The following VKORC1L1 variants were observed in gnomAD, a reference collection of about 807,000 sequenced individuals.
The protein encoded by VKORC1L1 is vitamin K epoxide reductase complex subunit 1L1.
A neutral mutation model predicts 18.9 loss-of-function variants in VKORC1L1; 2 were observed. That is an observed-to-expected ratio of 0.11 (90% CI 0.04 to 0.33). The LOEUF (loss-of-function observed/expected upper bound fraction) is 0.33. Among genes scored for constraint, VKORC1L1 ranks in the 10% least tolerant of loss-of-function variants. The probability of loss-of-function intolerance (pLI) is 1.00; values close to 1 mark genes in which losing one functional copy is unlikely to be tolerated. For synonymous variants in VKORC1L1, 96 were observed against 100.0 expected (o/e 0.96, Z 0.24); for missense variants, 123 against 224.1 (o/e 0.55, Z 2.88).
upstream of VKORC1L1, among the ~76,000 whole-genome samples, chr7:65,872,870 T>C (rs1269525909): frequency 6.6e-6 from 1 of 151,986 alleles, no homozygotes; most frequent in African/African-American, 2.4e-5. Context: ...GTTCGCCCAG[T>C]CACCCACAGT....
chr7:65,882,490 A>T (rs555395877), intron 1 of VKORC1L1, among the ~76,000 whole-genome samples: 1 of 152,018 alleles, frequency 6.6e-6, no homozygotes, highest in African/African-American at 2.4e-5. Context: ...ATTATCTATA[A>T]TGCTTACACC....
chr7:65,877,514 AT>A (rs1202037082), intron 1 of VKORC1L1, among the ~76,000 whole-genome samples: 2 of 152,010 alleles, frequency 1.3e-5, no homozygotes, highest in Admixed American at 6.6e-5. Flanking sequence ...TGCCCGGCTA[AT>A]TTTTGTATTT....
In VKORC1L1 at chr7:65,882,308, G is replaced by A. The variant is rs562010170; in HGVS notation, c.194+8743G>A. On this transcript the variant is annotated intron_variant, in intron 1 of 2. Transcript: ENST00000360768. ...ACAGGAGAGTTGCTTGAACCCAGGAGGCAGAGGTTGCAGTGAGCCAAGATC... is the reference window on the plus strand; with the variant it reads ...ACAGGAGAGTTGCTTGAACCCAGGAAGCAGAGGTTGCAGTGAGCCAAGATC... Among the ~76,000 whole-genome samples, 5 of 151,974 alleles carry A rather than the reference G, an allele frequency of 3.3e-5. No homozygotes were observed. The South Asian group carries it at 1.0e-3, about 31-fold the overall frequency.
intron 1 of VKORC1L1, among the ~76,000 whole-genome samples, chr7:65,934,227 T>C (rs932025115): frequency 2.6e-5 from 4 of 151,972 alleles, no homozygotes; most frequent in African/African-American, 9.7e-5. Flanking sequence ...GAGACCCCCA[T>C]CTCTTTAAAA....
At chr7:65,880,995 T>C (rs1278372643) in intron 1 of VKORC1L1, among the ~76,000 whole-genome samples, 2 of 152,212 alleles carry the variant, frequency 1.3e-5, no homozygotes, top group Admixed American at 1.3e-4. Context: ...CTCAAAGTTT[T>C]GGATTTTGGA....
chr7:65,947,722 C>T (rs1345105526), intron 1 of VKORC1L1, among the ~76,000 whole-genome samples: 3 of 150,738 alleles, frequency 2.0e-5, no homozygotes, highest in African/African-American at 7.3e-5. Context: ...TGGAGTTTTG[C>T]TCTTGTTGCC....
chr7:65,873,071 C>G (rs1283951928), upstream of VKORC1L1, among the ~76,000 whole-genome samples: 3 of 147,368 alleles, frequency 2.0e-5, no homozygotes, highest in Non-Finnish European at 4.6e-5. Context: ...GCCACGCCGC[C>G]TCAGTCTCCG....
chr7:65,872,412 C>T (rs544204654), upstream of VKORC1L1, among the ~76,000 whole-genome samples: 60 of 152,048 alleles, frequency 3.9e-4, no homozygotes, highest in African/African-American at 1.4e-3. Context: ...TCCCGGGTTC[C>T]GGCAATTCTC....
chr7:65,940,016 C>CT (rs140795579), intron 1 of VKORC1L1, among the ~76,000 whole-genome samples: 47,943 of 148,190 alleles, frequency 0.32, 8,492 homozygotes, highest in East Asian at 0.46. Context: ...GGAAAATTGT[C>CT]TTTTTTTTTT....
At chr7:65,945,568 C>G (rs1186775847) in intron 1 of VKORC1L1, among the ~76,000 whole-genome samples, 1 of 151,852 alleles carries the variant, frequency 6.6e-6, no homozygotes. Flanking sequence ...GCCGAGATCG[C>G]GCCACTGCAC....
At chr7:65,920,101 C>T (rs957478355) in intron 1 of VKORC1L1, among the ~76,000 whole-genome samples, 2 of 152,078 alleles carry the variant, frequency 1.3e-5, no homozygotes, top group African/African-American at 4.8e-5. Flanking sequence ...CTGTACCTCA[C>T]ACCCGCCGGG....
At chr7:65,867,159 C>T in the VKORC1L1 span, among the ~76,000 whole-genome samples, 7 of 151,932 alleles carry the variant, frequency 4.6e-5, no homozygotes, top group African/African-American at 1.5e-4. Flanking sequence ...TGCGCTCCAG[C>T]CTGGTGACAG....
At chr7:65,919,537 T>C (rs1789641491) in intron 1 of VKORC1L1, among the ~76,000 whole-genome samples, 1 of 152,164 alleles carries the variant, frequency 6.6e-6, no homozygotes, top group South Asian at 2.1e-4. Flanking sequence ...CTTAGACCAT[T>C]TTCTTGCCTC....
chr7:65,875,485 T>G (rs1788811373), intron 1 of VKORC1L1, among the ~76,000 whole-genome samples: 1 of 152,110 alleles, frequency 6.6e-6, no homozygotes, highest in South Asian at 2.1e-4. Flanking sequence ...TGGTGCGATC[T>G]CGACTCACTG....
intron 2 of VKORC1L1, 51 bp from the exon 3 acceptor site, chr7:65,954,023 G>A (rs1038256977): frequency 6.7e-7 from 1 of 1,501,542 alleles, no homozygotes; most frequent in African/African-American, 1.4e-5. Flanking sequence ...CACTCAGAAA[G>A]CCTCTCTCCA....
At position 65,946,621 on chromosome 7, in the gene VKORC1L1, A is replaced by G. The variant is rs372987107; in HGVS notation, c.195-2050A>G. Among the ~76,000 whole-genome samples, 106 of 152,278 alleles carry G rather than the reference A, an allele frequency of 7.0e-4. 1 individual carries two copies. The highest frequency in any genetic ancestry group is 2.5e-3 in the African/African-American group (103 of 41,560). ...CTAATTTTCCTGTGTATCTGTTACA[A>G]GGTGTGTCCATTGCTGCAGGTAATC... is the stretch of plus-strand genomic sequence containing the variant. On this transcript the variant is annotated intron_variant, in intron 1 of 2. Transcript: ENST00000360768.
intron 1 of VKORC1L1, among the ~76,000 whole-genome samples, chr7:65,912,458 C>T (rs557394810): frequency 2.6e-5 from 4 of 152,136 alleles, no homozygotes; most frequent in Non-Finnish European, 5.9e-5. Context: ...CTGGCTCAAT[C>T]GCATGTCAGT....
upstream of VKORC1L1, among the ~76,000 whole-genome samples, chr7:65,868,568 A>AC (rs1383620905): frequency 3.9e-5 from 6 of 152,356 alleles, no homozygotes; most frequent in Non-Finnish European, 8.8e-5. Flanking sequence ...TATGGAATCA[A>AC]CCTAAGTGTC....
intron 1 of VKORC1L1, among the ~76,000 whole-genome samples, chr7:65,941,407 G>A (rs1359483440): frequency 2.6e-5 from 4 of 152,094 alleles, no homozygotes; most frequent in Non-Finnish European, 4.4e-5. Context: ...GAGCCACCAT[G>A]CCCTGCCAAA....
Sources: allele counts gnomAD v4.1 joint callset (sites outside exome capture counted in the v4.1 genomes callset), GRCh38; gene constraint gnomAD v4.1.1; transcripts MANE v1.5; gene names NCBI Gene and HGNC (gene_info 2026-07-23, HGNC 2026-07-21).